COL6A6: variants seen among roughly 807,000 people sequenced by gnomAD.
COL6A6 encodes the protein collagen alpha-6(VI) chain.
A neutral mutation model predicts 208.6 loss-of-function variants in COL6A6; 183 were observed. That is an observed-to-expected ratio of 0.88 (90% CI 0.78 to 0.99). COL6A6 has a LOEUF of 0.99. COL6A6 is among the 50% of genes least tolerant of loss of function. The pLI is 0.00. For missense variants in COL6A6, 2,816 were observed against 2,815.2 expected (o/e 1.00, Z -0.01); for synonymous variants, 973 against 1,011.8 (o/e 0.96, Z 0.73).
At chr3:130,522,576 T>G (rs1435215327) in intron 1 of COL6A6, among the ~76,000 whole-genome samples, 1 of 152,162 alleles carries the variant, frequency 6.6e-6, no homozygotes, top group African/African-American at 2.4e-5. Context: ...AGACCTCTCC[T>G]GAGAACTCCA....
At chr3:130,655,727 G>A (rs2065769975) in intron 33 of COL6A6, among the ~76,000 whole-genome samples, 1 of 152,226 alleles carries the variant, frequency 6.6e-6, no homozygotes, top group Admixed American at 6.5e-5. Flanking sequence ...AGAGCTATTT[G>A]TAAATCTGTC....
intron 18 of COL6A6, 130 bp from the exon 19 acceptor site, chr3:130,598,235 A>G (rs1002707425): frequency 1.6e-6 from 1 of 609,440 alleles, no homozygotes; most frequent in Non-Finnish European, 2.9e-6. Flanking sequence ...TGTAATTTTA[A>G]CCTATTTCTG....
intron 1 of COL6A6, among the ~76,000 whole-genome samples, chr3:130,538,263 C>T (rs2062272049): frequency 2.0e-5 from 3 of 152,110 alleles, no homozygotes. Context: ...GAGATAATGG[C>T]TGTGAAAAGA....
chr3:130,582,101 T>C (rs2063438753), intron 10 of COL6A6, 33 bp downstream of exon 10: 1 of 1,289,012 alleles, frequency 7.8e-7, no homozygotes, highest in East Asian at 2.4e-5. Context: ...AAGGGAGTGC[T>C]TATTAACTTT....
chr3:130,578,743 C>T (rs1390022977), intron 8 of COL6A6, among the ~76,000 whole-genome samples: 1 of 152,182 alleles, frequency 6.6e-6, no homozygotes, highest in Non-Finnish European at 1.5e-5. Flanking sequence ...AAACAGGTCC[C>T]ACAGTGCACT....
chr3:130,667,238 A>G (rs149039147), intron 36 of COL6A6, among the ~76,000 whole-genome samples: 3 of 152,272 alleles, frequency 2.0e-5, no homozygotes, highest in African/African-American at 4.8e-5. Flanking sequence ...AATCTAAACA[A>G]ATGTTTTTTT....
At chr3:130,657,828 C>T (rs936370737) in intron 33 of COL6A6, among the ~76,000 whole-genome samples, 30 of 152,278 alleles carry the variant, frequency 2.0e-4, no homozygotes, top group African/African-American at 7.2e-4. Context: ...TAGTCATTAG[C>T]TTAGGACAGG....
intron 1 of COL6A6, among the ~76,000 whole-genome samples, chr3:130,556,673 T>C (rs1002737519): frequency 2.0e-5 from 3 of 152,242 alleles, no homozygotes; most frequent in African/African-American, 7.2e-5. Flanking sequence ...AGTATCTATT[T>C]CTTAGATTTA....
At chr3:130,552,942 ATTCT>A (rs2062680820) in intron 1 of COL6A6, among the ~76,000 whole-genome samples, 1 of 152,196 alleles carries the variant, frequency 6.6e-6, no homozygotes. Flanking sequence ...TTGGTTGGAA[ATTCT>A]TTAAGAATGC....
chr3:130,660,122 T>A (rs1369389734), intron 34 of COL6A6, among the ~76,000 whole-genome samples: 1 of 152,216 alleles, frequency 6.6e-6, no homozygotes, highest in Admixed American at 6.5e-5. Context: ...TGACTGGGGA[T>A]AGATTTTGGC....
intron 11 of COL6A6, among the ~76,000 whole-genome samples, chr3:130,587,749 C>T (rs1306975069): frequency 6.6e-6 from 1 of 152,162 alleles, no homozygotes; most frequent in Non-Finnish European, 1.5e-5. Context: ...TTCATATACA[C>T]ATAGGTATTT....
In COL6A6 at chr3:130,566,952, G is replaced by A. The variant is rs957927770; in HGVS notation, c.1533G>A (p.Gly511=). Residue 511 remains glycine (G), a synonymous_variant, in exon 5 of 37, where the codon GGG becomes GGA. Transcript: ENST00000358511. ...TTGAGAATATCAGGCAGATGGGTGGGAATACAAACACAGGCGCAGCACTGA... is the reference window on the plus strand; with the variant it reads ...TTGAGAATATCAGGCAGATGGGTGGAAATACAAACACAGGCGCAGCACTGA... The part of the protein sequence containing the change: ...KAIENIRQMG[G]NTNTGAALNF... 1.9e-5 allele frequency: 30 copies of A among 1,613,858 alleles called. No individual in the cohort carries two copies. Among genetic ancestry groups the A allele is most frequent in the Non-Finnish European group, 5.1e-6 (6 of 1,179,862 alleles).
intron 23 of COL6A6, among the ~76,000 whole-genome samples, chr3:130,614,029 C>T (rs72996234): frequency 8.1e-4 from 123 of 152,200 alleles, no homozygotes; most frequent in African/African-American, 2.8e-3. Flanking sequence ...CCTGGTTGCT[C>T]TAGCCAGGAC....
chr3:130,672,615 G>GC (rs1198828384), intron 36 of COL6A6, among the ~76,000 whole-genome samples: 5 of 151,940 alleles, frequency 3.3e-5, no homozygotes, highest in African/African-American at 9.6e-5. Flanking sequence ...TGTTGGCCAG[G>GC]CTGGTCTCGA....
intron 15 of COL6A6, 131 bp downstream of exon 15, chr3:130,592,853 CATTTT>C (rs1336376900): frequency 2.1e-6 from 2 of 943,188 alleles, no homozygotes; most frequent in Non-Finnish European, 1.6e-6. Context: ...CCAGCCATTT[CATTTT>C]GTTTCTTCTT....
intron 24 of COL6A6, among the ~76,000 whole-genome samples, chr3:130,623,355 G>A (rs1359884659): frequency 3.3e-5 from 5 of 152,116 alleles, no homozygotes; most frequent in Admixed American, 1.3e-4. Flanking sequence ...CTACTCGGGA[G>A]GCTAAGACAG....
rs372976180 is a variant in COL6A6, at chr3:130,665,089, T to G, written c.6589T>G (p.Phe2197Val). 2.1e-5 allele frequency: 33 copies of G among 1,606,242 alleles called. No individual in the cohort carries two copies. The highest frequency in any genetic ancestry group is 2.3e-5 in the Non-Finnish European group (27 of 1,175,236). ...SIDPKQPPRP[F>V]RSFVPGPLKA... The stretch of plus-strand genomic sequence containing the variant: ...AGATCCAAAGCAGCCCCCACGACCA[T>G]TCCGAAGGTACTGTCTGTTTGGTGT... The change falls in exon 36 of 37, where the codon TTC becomes GTC. Residue 2197 changes from phenylalanine to valine, a missense_variant. By Grantham distance (50) the Phe-to-Val change is conservative. Coordinates refer to ENST00000358511, the MANE Select transcript of COL6A6 (RefSeq NM_001102608.3).
intron 18 of COL6A6, among the ~76,000 whole-genome samples, chr3:130,596,931 T>A (rs765081874): frequency 6.6e-6 from 1 of 152,226 alleles, no homozygotes; most frequent in Non-Finnish European, 1.5e-5. Flanking sequence ...TAATTGTAAA[T>A]TTGTGGAAGA....
At chr3:130,657,204 C>A (rs1272526658) in intron 33 of COL6A6, among the ~76,000 whole-genome samples, 1 of 152,234 alleles carries the variant, frequency 6.6e-6, no homozygotes, top group Non-Finnish European at 1.5e-5. Flanking sequence ...GTTCCCAGCT[C>A]CCAGGGTTCC....
Sources: allele counts gnomAD v4.1 joint callset (sites outside exome capture counted in the v4.1 genomes callset), GRCh38; gene constraint gnomAD v4.1.1; transcripts MANE v1.5; gene names NCBI Gene and HGNC (gene_info 2026-07-23, HGNC 2026-07-21).